TRDN: variants seen among roughly 807,000 people sequenced by gnomAD.
The protein encoded by TRDN is triadin.
A neutral mutation model predicts 149.7 loss-of-function variants in TRDN; 161 were observed. The observed-to-expected ratio is 1.08, with a 90% confidence interval of 0.95 to 1.23. TRDN has a LOEUF of 1.23. Ranked by LOEUF, TRDN falls within the 50% of genes most tolerant of loss-of-function variation. The probability of loss-of-function intolerance (pLI) is 0.00; values close to 1 mark genes in which losing one functional copy is unlikely to be tolerated. For missense variants in TRDN, 896 were observed against 823.5 expected (o/e 1.09, Z -1.08); for synonymous variants, 294 against 250.5 (o/e 1.17, Z -1.64).
chr6:123,307,892 T>A (rs560095355), intron 24 of TRDN, among the ~76,000 whole-genome samples: 1 of 152,178 alleles, frequency 6.6e-6, no homozygotes, highest in Admixed American at 6.6e-5. Context: ...AAAAGGTACA[T>A]GTGCAGGGTT....
At chr6:123,423,451 G>A (rs1426068963) in intron 12 of TRDN, among the ~76,000 whole-genome samples, 1 of 152,050 alleles carries the variant, frequency 6.6e-6, no homozygotes, top group Non-Finnish European at 1.5e-5. Context: ...CCTCCTATAA[G>A]AAGTCGTGCA....
rs775014014 is a variant in TRDN, at chr6:123,499,703, C to CA, written c.794-2452dup. 3.6e-3 allele frequency among the ~76,000 whole-genome samples: 82 copies of CA among 22,812 alleles called. 6 individuals are homozygous for CA. In the South Asian group the frequency reaches 0.075, roughly 21 times the overall value. The allele number at this position is 22,812 out of a possible 152,430, so 15.0% of individuals were successfully genotyped here. A position where few individuals can be genotyped will look rare whatever the true frequency, so the allele number is the denominator to read the frequency against. Reference sequence around the variant, plus strand: ...TGGGCAACATAGTGAGATTCTGGCTCAAAAAAAAAAAAAAAAATATATATA... The same window carrying CA: ...TGGGCAACATAGTGAGATTCTGGCTCAAAAAAAAAAAAAAAAAATATATATA... On this transcript the variant is annotated intron_variant, in intron 8 of 40. Transcript: ENST00000334268.
At chr6:123,231,721 A>G (rs1337532597) in intron 38 of TRDN, among the ~76,000 whole-genome samples, 1 of 152,084 alleles carries the variant, frequency 6.6e-6, no homozygotes, top group Non-Finnish European at 1.5e-5. Context: ...AAAAGGAAGA[A>G]TGACAAGTCA....
chr6:123,634,033 A>G (rs1490263374), intron 1 of TRDN, among the ~76,000 whole-genome samples: 2 of 151,964 alleles, frequency 1.3e-5, no homozygotes, highest in Non-Finnish European at 2.9e-5. Flanking sequence ...AAGTGCCACA[A>G]ACTGTTTTGT....
At position 123,254,032 on chromosome 6, in the gene TRDN, C is replaced by T. The variant is rs73549394; in HGVS notation, c.1951+1049G>A. Among the ~76,000 whole-genome samples, 295 of 152,136 alleles carry T rather than the reference C, an allele frequency of 1.9e-3. 2 individuals are homozygous for T. Among genetic ancestry groups the T allele is most frequent in the African/African-American group, 7.0e-3 (291 of 41,522 alleles). On this transcript the variant is annotated intron_variant, in intron 37 of 40. Transcript: ENST00000334268. ...AAATACTCTTGAGATGTTAGATTTTCTCTTATTGCACTTATTTCATCTTTA... is the reference window on the plus strand; with the variant it reads ...AAATACTCTTGAGATGTTAGATTTTTTCTTATTGCACTTATTTCATCTTTA...
At chr6:123,328,263 C>A (rs1582878058) in intron 23 of TRDN, among the ~76,000 whole-genome samples, 1 of 152,304 alleles carries the variant, frequency 6.6e-6, no homozygotes, top group Non-Finnish European at 1.5e-5. Flanking sequence ...GGCACGCATG[C>A]CCTCACACTT....
intron 21 of TRDN, among the ~76,000 whole-genome samples, chr6:123,339,519 G>GA (rs1779992218): frequency 6.6e-6 from 1 of 152,086 alleles, no homozygotes; most frequent in Admixed American, 6.6e-5. Context: ...CAAGCAGTTG[G>GA]AAAAAACAGG....
intron 8 of TRDN, among the ~76,000 whole-genome samples, chr6:123,501,088 G>A (rs774181716): frequency 2.0e-5 from 3 of 151,952 alleles, no homozygotes; most frequent in Non-Finnish European, 4.4e-5. Flanking sequence ...GTGTGTGTGT[G>A]TGTTTATGGT....
chr6:123,542,637 T>C (rs1420744318), intron 4 of TRDN, among the ~76,000 whole-genome samples: 2 of 152,214 alleles, frequency 1.3e-5, no homozygotes, highest in Non-Finnish European at 2.9e-5. Flanking sequence ...GATAGGTGTA[T>C]CTGTTAAGTT....
intron 24 of TRDN, among the ~76,000 whole-genome samples, chr6:123,307,875 T>C (rs948449009): frequency 6.6e-6 from 1 of 152,078 alleles, no homozygotes; most frequent in Non-Finnish European, 1.5e-5. Context: ...ACTTTTATTT[T>C]AGATTTAAAA....
chr6:123,466,490 T>C (rs1776823830), intron 9 of TRDN, among the ~76,000 whole-genome samples: 1 of 152,138 alleles, frequency 6.6e-6, no homozygotes, highest in Non-Finnish European at 1.5e-5. Flanking sequence ...GGTTCCCAAG[T>C]TGCAATTCTT....
intron 1 of TRDN, among the ~76,000 whole-genome samples, chr6:123,615,168 A>C (rs1366865219): frequency 1.3e-5 from 2 of 152,176 alleles, no homozygotes; most frequent in African/African-American, 4.8e-5. Flanking sequence ...TGGCAAGGAC[A>C]TGGAGAAGGG....
chr6:123,410,805 G>A (rs9490745), intron 12 of TRDN, among the ~76,000 whole-genome samples: 19,935 of 151,900 alleles, frequency 0.13, 1,422 homozygotes, highest in African/African-American at 0.2. Flanking sequence ...TCTTTCCAAA[G>A]GTTGTAGCCT....
chr6:123,553,622 T>C (rs12202028), intron 2 of TRDN, among the ~76,000 whole-genome samples: 8,968 of 152,224 alleles, frequency 0.059, 352 homozygotes, highest in Middle Eastern at 0.13. Context: ...AGAGGTATAA[T>C]GGATTCACAG....
At chr6:123,263,561 T>C (rs1261757038) in intron 33 of TRDN, among the ~76,000 whole-genome samples, 1 of 151,934 alleles carries the variant, frequency 6.6e-6, no homozygotes, top group African/African-American at 2.4e-5. Context: ...GCCCAGGAGT[T>C]TGAGGCTGTA....
chr6:123,217,585 C>T lies in TRDN; in HGVS notation c.*1016G>A, dbSNP rs1053647760. The T allele has an allele frequency of 6.6e-6, 1 of 151,934 alleles. No homozygotes were observed. The allele number at this position is 151,934 out of a possible 1,614,324, so 9.4% of individuals were successfully genotyped here. On this transcript the variant is annotated 3_prime_UTR_variant, in exon 41 of 41. Coordinates refer to ENST00000334268, the MANE Select transcript of TRDN (RefSeq NM_006073.4). ...TAAAAATTGTTATCCATGTCATTGG[C>T]ACTGATGACCAGTTACCTAAAATAC...
intron 10 of TRDN, among the ~76,000 whole-genome samples, chr6:123,461,978 A>T (rs1432378132): frequency 6.6e-6 from 1 of 152,188 alleles, no homozygotes; most frequent in Non-Finnish European, 1.5e-5. Flanking sequence ...ATTGCTTAAA[A>T]GATGAGAATT....
intron 22 of TRDN, among the ~76,000 whole-genome samples, chr6:123,333,432 G>A (rs928226850): frequency 1.3e-5 from 2 of 152,094 alleles, no homozygotes; most frequent in African/African-American, 4.8e-5. Context: ...TTCAAAGATT[G>A]TAAACCCAAT....
rs146337258 is a variant in TRDN at position 123,451,878 on chromosome 6, A to G, written c.932-12875T>C. Among the ~76,000 whole-genome samples, 935 of 152,286 alleles carry G rather than the reference A, an allele frequency of 6.1e-3. 12 individuals carry two copies. The highest frequency in any genetic ancestry group is 0.021 in the African/African-American group (878 of 41,560). On this transcript the variant is annotated intron_variant, in intron 10 of 40. Transcript: ENST00000334268. ...ATACTAGCTAACGGAATCCAATAAC[A>G]TATCAAAAAGATAATCCACCATGAT...
Sources: allele counts gnomAD v4.1 joint callset (sites outside exome capture counted in the v4.1 genomes callset), GRCh38; gene constraint gnomAD v4.1.1; transcripts MANE v1.5; gene names NCBI Gene and HGNC (gene_info 2026-07-23, HGNC 2026-07-21).